Variants in MYO9B observed in about 807,000 individuals in gnomAD.
MYO9B encodes myosin IXB, also known as unconventional myosin-IXb.
In MYO9B, 71 loss-of-function variants were observed where a neutral mutation model predicts 229.5. The observed-to-expected ratio is 0.31, with a 90% CI of 0.26 to 0.38. The LOEUF is 0.38. Ranked by LOEUF, MYO9B falls within the 10% of genes least tolerant of loss-of-function variation. The pLI is 1.00. For synonymous variants in MYO9B, 1,185 were observed against 1,235.8 expected (o/e 0.96, Z 0.86); for missense variants, 2,255 against 2,920.5 (o/e 0.77, Z 5.25).
chr19:17,104,646 G>C (rs1165881868), intron 2 of MYO9B, among the ~76,000 whole-genome samples: 1 of 151,408 alleles, frequency 6.6e-6, no homozygotes, highest in Non-Finnish European at 1.5e-5. Context: ...GGCTGGTCTC[G>C]AACTCCTGGA....
chr19:17,102,866 C>A (rs1438319051), intron 2 of MYO9B, among the ~76,000 whole-genome samples: 4 of 149,784 alleles, frequency 2.7e-5, no homozygotes, highest in South Asian at 2.1e-4. Flanking sequence ...ATGATCATGC[C>A]ACTGCACTCC....
At chr19:17,096,243 C>T (rs973845664) in intron 1 of MYO9B, among the ~76,000 whole-genome samples, 1 of 152,166 alleles carries the variant, frequency 6.6e-6, no homozygotes, top group Non-Finnish European at 1.5e-5. Flanking sequence ...CAGTTTGGGA[C>T]TCTCAGAAGT....
At chr19:17,091,085 A>G (rs1016544061) in intron 1 of MYO9B, among the ~76,000 whole-genome samples, 2 of 152,352 alleles carry the variant, frequency 1.3e-5, no homozygotes, top group South Asian at 4.1e-4. Flanking sequence ...AAGCCTCAGC[A>G]GCCCAGAGGC....
intron 1 of MYO9B, among the ~76,000 whole-genome samples, chr19:17,079,892 G>A (rs529489535): frequency 1.5e-4 from 23 of 152,328 alleles, no homozygotes; most frequent in African/African-American, 5.1e-4. Flanking sequence ...GTGGTCCCTG[G>A]AGTGGCAGAA....
At chr19:17,173,761 G>A (rs73931815) in intron 13 of MYO9B, among the ~76,000 whole-genome samples, 19,929 of 152,116 alleles carry the variant, frequency 0.13, 1,910 homozygotes, top group African/African-American at 0.27. Context: ...TAGAAGGATG[G>A]CAGAAAGCTA....
Position 17,192,862 on chromosome 19 carries a change from C to T in MYO9B, c.2928C>T (p.Phe976=), listed in dbSNP as rs1458685483. The part of the protein sequence containing the change: ...WFRMVLERRH[F]LQMKRAAVTI... The stretch of plus-strand genomic sequence containing the variant: ...GGATGGTGCTGGAGCGTCGGCACTT[C>T]CTGCAGATGAAGCGGGCCGCCGTCA... Residue 976 remains phenylalanine (F), a synonymous_variant, in exon 21 of 40, where the codon TTC becomes TTT. Coordinates refer to ENST00000682292, the MANE Select transcript of MYO9B (RefSeq NM_004145.4). 1.9e-6 allele frequency: 3 copies of T among 1,551,154 alleles called. No individual in the cohort carries two copies. Among genetic ancestry groups the T allele is most frequent in the Non-Finnish European group, 2.6e-6 (3 of 1,147,542 alleles).
intron 14 of MYO9B, chr19:17,178,492 G>T (rs1043411680): frequency 2.3e-4 from 33 of 143,348 alleles, no homozygotes; most frequent in African/African-American, 8.5e-4. Context: ...AAAAAAAAAA[G>T]CAGGAAAAAC....
At chr19:17,189,030 G>A (rs1222916704) in intron 19 of MYO9B, among the ~76,000 whole-genome samples, 3 of 151,482 alleles carry the variant, frequency 2.0e-5, no homozygotes, top group Non-Finnish European at 2.9e-5. Context: ...GCATGGTGGG[G>A]CACACCTGTA....
intron 23 of MYO9B, 146 bp from the exon 24 acceptor site, chr19:17,198,038 G>A: frequency 7.3e-7 from 1 of 1,372,226 alleles, no homozygotes; most frequent in Non-Finnish European, 9.8e-7. Context: ...CTCCAGCCTG[G>A]GCAACTAGAG....
At chr19:17,150,083 C>T (rs1293186650) in intron 3 of MYO9B, among the ~76,000 whole-genome samples, 9 of 152,158 alleles carry the variant, frequency 5.9e-5, no homozygotes, top group Non-Finnish European at 1.2e-4. Flanking sequence ...ACCTGTGCAT[C>T]GTGTGTGTCC....
At chr19:17,159,508 A>T in intron 8 of MYO9B, 24 bp downstream of exon 8, 1 of 1,585,542 alleles carries the variant, frequency 6.3e-7, no homozygotes, top group Non-Finnish European at 8.6e-7. Flanking sequence ...AGGCACTCAC[A>T]GGGTGCCAGA....
intron 1 of MYO9B, among the ~76,000 whole-genome samples, chr19:17,079,070 C>T (rs2057511614): frequency 6.6e-6 from 1 of 152,232 alleles, no homozygotes; most frequent in South Asian, 2.1e-4. Context: ...CCATCCCCTC[C>T]AAGGGGTAAC....
chr19:17,213,286 AGT>A (rs1445321940), downstream of MYO9B: 1 of 152,326 alleles, frequency 6.6e-6, no homozygotes, highest in African/African-American at 2.4e-5. Context: ...GTGCCTGAGA[AGT>A]GTGTGCATGG....
At position 17,134,495 on chromosome 19, in the gene MYO9B, G is replaced by A. The variant is rs1277096653; in HGVS notation, c.841-10902G>A. Among the ~76,000 whole-genome samples, 5 of 140,518 alleles carry A rather than the reference G, an allele frequency of 3.6e-5. No individual in the cohort carries two copies. The East Asian group carries it at 7.0e-4, about 20-fold the overall frequency. The allele number at this position is 140,518 out of a possible 152,430, so 92.2% of individuals were successfully genotyped here. A position where few individuals can be genotyped will look rare whatever the true frequency, so the allele number is the denominator to read the frequency against. On this transcript the variant is annotated intron_variant, in intron 2 of 39. Transcript: ENST00000682292. ...CAACCTCTGCCTCTCGGTTTCAAGC[G>A]ATTTTCGTGTCTCAGCCTCCCCTGT...
chr19:17,096,801 G>T (rs1333333244), intron 1 of MYO9B, among the ~76,000 whole-genome samples: 2 of 150,442 alleles, frequency 1.3e-5, no homozygotes, highest in Admixed American at 6.6e-5. Flanking sequence ...CGCCTTCCGG[G>T]TTCACGCCAT....
intron 24 of MYO9B, 140 bp downstream of exon 24, chr19:17,198,448 A>C: frequency 8.1e-7 from 1 of 1,228,322 alleles, no homozygotes; most frequent in Non-Finnish European, 1.1e-6. Context: ...TAGAAACTGA[A>C]TGGGGAGGCC....
At position 17,089,149 on chromosome 19, in the gene MYO9B, G is replaced by A. The variant is rs532209562; in HGVS notation, c.-58-12511G>A. On this transcript the variant is annotated intron_variant, in intron 1 of 39. Transcript: ENST00000682292. ...GGTTAGGTTGCAGGTGTAGAAAAAT[G>A]AGGACAAAGGTCTCTAAGTCGTCCT... Among the ~76,000 whole-genome samples the A allele has an allele frequency of 2.0e-5, 3 of 152,252 alleles. No individual in the cohort carries two copies. The South Asian group carries it at 6.2e-4, about 32-fold the overall frequency.
At chr19:17,143,226 A>G (rs1568271496) in intron 2 of MYO9B, among the ~76,000 whole-genome samples, 1 of 136,110 alleles carries the variant, frequency 7.3e-6, no homozygotes, top group Non-Finnish European at 1.6e-5. Context: ...CAACAGAACA[A>G]GACTCTGTTT....
chr19:17,092,461 A>C (rs946994071), intron 1 of MYO9B, among the ~76,000 whole-genome samples: 2 of 152,202 alleles, frequency 1.3e-5, no homozygotes, highest in African/African-American at 4.8e-5. Flanking sequence ...ATGTGTGTGC[A>C]TGAGTGTTCA....
Sources: gnomAD v4.1 joint callset for allele counts (sites outside exome capture counted in the v4.1 genomes callset) on GRCh38, gnomAD v4.1.1 for gene constraint, MANE v1.5 for transcripts, NCBI Gene and HGNC (gene_info 2026-07-23, HGNC 2026-07-21) for gene names.